Variants in AGXT2 observed in about 807,000 individuals in gnomAD.
AGXT2 encodes the protein alanine--glyoxylate aminotransferase 2.
AGXT2 carries 61 observed loss-of-function variants against 62.5 expected under a neutral mutation model. That is an observed-to-expected ratio of 0.98 (90% confidence interval 0.79 to 1.21). AGXT2 has a LOEUF of 1.21. Among genes scored for constraint, AGXT2 ranks in the 50% most tolerant of loss-of-function variants. The probability of loss-of-function intolerance (pLI) is 0.00; values close to 1 mark genes in which losing one functional copy is unlikely to be tolerated. For synonymous variants in AGXT2, 243 were observed against 218.7 expected, an observed-to-expected ratio of 1.11 and a Z score of -0.98; for missense variants, 666 against 641.5, an observed-to-expected ratio of 1.04 and a Z score of -0.41.
chr5:35,019,425 C>T (rs528082006), intron 9 of AGXT2, among the ~76,000 whole-genome samples: 5 of 150,460 alleles, frequency 3.3e-5, no homozygotes, highest in African/African-American at 1.2e-4. Context: ...GAATCTCACT[C>T]AAAACCGCTC....
In AGXT2 at chr5:35,032,838, AAAG is replaced by A. The variant is rs1767621039; in HGVS notation, c.676-16_676-14del. On this transcript the variant is annotated splice_polypyrimidine_tract_variant and intron_variant, in intron 6 of 13. Transcript: ENST00000231420. ...CTGGACACATTGTCTGCAAATGACA[AAAG>A]AAGGAGTGTGGCAAAGCATGAACAC... is the stretch of plus-strand genomic sequence containing the variant. 6.3e-7 allele frequency: 1 copy of A among 1,592,488 alleles called. No homozygotes were observed. Among genetic ancestry groups the A allele is most frequent in the East Asian group, 2.2e-5 (1 of 44,474 alleles).
At chr5:35,042,654 G>A (rs1768028100) in intron 1 of AGXT2, among the ~76,000 whole-genome samples, 2 of 151,960 alleles carry the variant, frequency 1.3e-5, no homozygotes, top group South Asian at 4.2e-4. Flanking sequence ...TGTGTTTTGA[G>A]GATGATGTAA....
chr5:35,025,039 G>T (rs907525882), intron 9 of AGXT2, among the ~76,000 whole-genome samples: 2 of 152,116 alleles, frequency 1.3e-5, no homozygotes, highest in Admixed American at 1.3e-4. Flanking sequence ...GGTATATGCT[G>T]CCAGGTTGGT....
At chr5:35,009,826 T>C (rs1766560200) in intron 12 of AGXT2, among the ~76,000 whole-genome samples, 174 bp downstream of exon 12, 1 of 152,216 alleles carries the variant, frequency 6.6e-6, no homozygotes. Flanking sequence ...CTTGATGATC[T>C]GCCAGCATTT....
At chr5:35,030,942 C>T (rs532874873) in intron 7 of AGXT2, among the ~76,000 whole-genome samples, 31 of 152,284 alleles carry the variant, frequency 2.0e-4, no homozygotes, top group African/African-American at 6.5e-4. Flanking sequence ...CATGAAGTGC[C>T]GTGATGGTGT....
intron 13 of AGXT2, 80 bp downstream of exon 13, chr5:35,003,683 G>A: frequency 7.4e-7 from 1 of 1,359,916 alleles, no homozygotes; most frequent in East Asian, 2.3e-5. Context: ...CTTCACAGCT[G>A]TGAAGAAACT....
rs902797951 is a variant in AGXT2, at chr5:34,998,440, A to G, written c.*279T>C. On this transcript the variant is annotated 3_prime_UTR_variant, in exon 14 of 14. Coordinates refer to ENST00000231420, the MANE Select transcript of AGXT2 (RefSeq NM_031900.4). ...ACATCACATATTCATGCATAAACCAATCACTGCAAAGGGGAATCAAATTAC... is the reference window on the plus strand; with the variant it reads ...ACATCACATATTCATGCATAAACCAGTCACTGCAAAGGGGAATCAAATTAC... 1.4e-5 allele frequency: 7 copies of G among 485,886 alleles called. No individual in the cohort carries two copies. The highest frequency in any genetic ancestry group is 3.8e-5 in the East Asian group (1 of 26,010). 30.1% of individuals were successfully genotyped at this position (485,886 alleles called of 1,614,324 possible).
intron 1 of AGXT2, among the ~76,000 whole-genome samples, chr5:35,044,735 A>G (rs1768122627): frequency 6.6e-6 from 1 of 152,022 alleles, no homozygotes; most frequent in African/African-American, 2.4e-5. Flanking sequence ...CACAAGCAAG[A>G]GCACTCCTCG....
chr5:35,023,548 TCTGA>T (rs1767202405), intron 9 of AGXT2, among the ~76,000 whole-genome samples: 1 of 152,226 alleles, frequency 6.6e-6, no homozygotes, highest in African/African-American at 2.4e-5. Context: ...CTTTAATTAG[TCTGA>T]CTGTGACAGC....
At chr5:35,045,786 GAGA>G (rs1371970558) in intron 1 of AGXT2, among the ~76,000 whole-genome samples, 3 of 46,312 alleles carry the variant, frequency 6.5e-5, no homozygotes, top group Non-Finnish European at 1.2e-4. Flanking sequence ...TTTTTTTTTT[GAGA>G]AGGAGTCTCA....
intron 1 of AGXT2, among the ~76,000 whole-genome samples, chr5:35,042,053 T>C (rs37373): frequency 0.32 from 49,155 of 152,038 alleles, 8,116 homozygotes; most frequent in South Asian, 0.45. Context: ...TCTGAGTGTC[T>C]CTAAGAATTC....
chr5:35,044,854 G>T (rs1211131896), intron 1 of AGXT2, among the ~76,000 whole-genome samples: 1 of 152,182 alleles, frequency 6.6e-6, no homozygotes, highest in Non-Finnish European at 1.5e-5. Context: ...TCTGACTGTG[G>T]CAAGGCTGCC....
chr5:35,017,631 T>A (rs1766894651), intron 9 of AGXT2, among the ~76,000 whole-genome samples: 1 of 152,138 alleles, frequency 6.6e-6, no homozygotes, highest in African/African-American at 2.4e-5. Context: ...TTAAACCTCT[T>A]TTTCTTAAAC....
At chr5:35,019,886 G>A (rs1252519523) in intron 9 of AGXT2, among the ~76,000 whole-genome samples, 2 of 152,052 alleles carry the variant, frequency 1.3e-5, no homozygotes, top group Non-Finnish European at 2.9e-5. Flanking sequence ...AATGATAAAG[G>A]GGATATCACC....
intron 1 of AGXT2, among the ~76,000 whole-genome samples, chr5:35,046,406 G>C (rs1768210070): frequency 6.6e-6 from 1 of 152,222 alleles, no homozygotes; most frequent in African/African-American, 2.4e-5. Flanking sequence ...AGGGAAAAGA[G>C]CAGTCCAAAC....
chr5:35,045,694 G>T (rs1361959372), intron 1 of AGXT2, among the ~76,000 whole-genome samples: 5 of 151,814 alleles, frequency 3.3e-5, no homozygotes, highest in African/African-American at 1.2e-4. Flanking sequence ...AGTCCCAAAG[G>T]TTTTTGCAAG....
chr5:35,040,067 G>C (rs529761540), intron 2 of AGXT2, among the ~76,000 whole-genome samples: 1 of 150,932 alleles, frequency 6.6e-6, no homozygotes, highest in African/African-American at 2.5e-5. Context: ...GCATAACAGA[G>C]AGAGAGAGAG....
intron 7 of AGXT2, among the ~76,000 whole-genome samples, chr5:35,029,374 A>T (rs1767478650): frequency 6.6e-6 from 1 of 152,228 alleles, no homozygotes. Flanking sequence ...CCAAACCAAA[A>T]GGTTTTGCCT....
At chr5:35,029,315 C>G (rs1386491037) in intron 7 of AGXT2, among the ~76,000 whole-genome samples, 1 of 152,140 alleles carries the variant, frequency 6.6e-6, no homozygotes, top group South Asian at 2.1e-4. Flanking sequence ...TTTAACAAGC[C>G]CATTTGTAAC....
Sources: allele counts gnomAD v4.1 joint callset (sites outside exome capture counted in the v4.1 genomes callset), GRCh38; gene constraint gnomAD v4.1.1; transcripts MANE v1.5; gene names NCBI Gene and HGNC (gene_info 2026-07-23, HGNC 2026-07-21).